BCR: variants seen among roughly 807,000 people sequenced by gnomAD.
The protein encoded by BCR is breakpoint cluster region protein.
In BCR, 58 loss-of-function variants were observed where a neutral mutation model predicts 138.6. The observed-to-expected ratio is 0.42, with a 90% CI of 0.34 to 0.52. The LOEUF (loss-of-function observed/expected upper bound fraction) is 0.52. Among genes scored for constraint, BCR ranks in the 20% least tolerant of loss-of-function variants. The probability of loss-of-function intolerance (pLI) is 0.06; values close to 1 mark genes in which losing one functional copy is unlikely to be tolerated. For missense variants in BCR, 1,599 were observed against 1,727.2 expected (o/e 0.93, Z 1.32); for synonymous variants, 786 against 730.1 (o/e 1.08, Z -1.23).
At position 23,215,210 on chromosome 22, in the gene BCR, C is replaced by T. The variant is rs534057506; in HGVS notation, c.1279+32971C>T. Among the ~76,000 whole-genome samples the T allele has an allele frequency of 7.9e-5, 12 of 152,278 alleles. No individual in the cohort carries two copies. The East Asian group carries it at 1.5e-3, about 20-fold the overall frequency. ...ATAATATTCCATTATATGTCTGCACCGCATTTTGCTTATGCATCCATTGGT... is the reference window on the plus strand; with the variant it reads ...ATAATATTCCATTATATGTCTGCACTGCATTTTGCTTATGCATCCATTGGT... On this transcript the variant is annotated intron_variant, in intron 1 of 22. Transcript: ENST00000305877.
chr22:23,232,061 T>C (rs1266478326), intron 1 of BCR, among the ~76,000 whole-genome samples: 1 of 152,210 alleles, frequency 6.6e-6, no homozygotes, highest in Non-Finnish European at 1.5e-5. Context: ...AACTAATACC[T>C]TAGTGTGATC....
intron 1 of BCR, among the ~76,000 whole-genome samples, chr22:23,187,681 A>C (rs1167065437): frequency 6.6e-6 from 1 of 151,996 alleles, no homozygotes; most frequent in East Asian, 1.9e-4. Context: ...AATTGTACCT[A>C]TTTAGAGGGT....
intron 1 of BCR, among the ~76,000 whole-genome samples, chr22:23,241,301 C>T (rs2073088507): frequency 6.6e-6 from 1 of 152,214 alleles, no homozygotes; most frequent in South Asian, 2.1e-4. Flanking sequence ...GTGGTGACCG[C>T]CAGCAGGGGG....
intron 20 of BCR, among the ~76,000 whole-genome samples, chr22:23,313,710 G>A (rs994893678): frequency 1.3e-5 from 2 of 152,182 alleles, no homozygotes; most frequent in Non-Finnish European, 2.9e-5. Context: ...CCCATGAGCA[G>A]CTGCTCTAGC....
At chr22:23,263,079 A>C in intron 4 of BCR, 2 of 697,268 alleles carry the variant, frequency 2.9e-6, no homozygotes, top group East Asian at 2.9e-5. Flanking sequence ...CAGGCCGGGA[A>C]GAGTACAAGG....
chr22:23,191,236 T>C (rs1486280127), intron 1 of BCR, among the ~76,000 whole-genome samples: 1 of 152,252 alleles, frequency 6.6e-6, no homozygotes, highest in African/African-American at 2.4e-5. Flanking sequence ...GCACACAGCC[T>C]GAATGTATTA....
At chr22:23,244,859 G>A (rs1258080314) in intron 1 of BCR, among the ~76,000 whole-genome samples, 7 of 152,168 alleles carry the variant, frequency 4.6e-5, no homozygotes, top group Admixed American at 4.6e-4. Context: ...CCCTGCCCCC[G>A]CACCAGCCGG....
chr22:23,215,651 CT>C (rs1346960365), intron 1 of BCR, among the ~76,000 whole-genome samples: 1 of 152,152 alleles, frequency 6.6e-6, no homozygotes, highest in African/African-American at 2.4e-5. Flanking sequence ...AACCTGGTGG[CT>C]TGTTGTCCTT....
intron 1 of BCR, among the ~76,000 whole-genome samples, chr22:23,249,431 C>CAAAAAAAA (rs535635463): frequency 1.5e-5 from 1 of 66,204 alleles, no homozygotes. Flanking sequence ...GACTCTGTCT[C>CAAAAAAAA]AAAAAAAAAA....
intron 1 of BCR, among the ~76,000 whole-genome samples, chr22:23,225,401 G>C (rs1051014221): frequency 6.6e-6 from 1 of 152,148 alleles, no homozygotes; most frequent in Non-Finnish European, 1.5e-5. Flanking sequence ...GGCCAGCCCA[G>C]GTGGAGGGCA....
chr22:23,290,499 A>G, intron 14 of BCR, 86 bp downstream of exon 14: 7 of 1,392,712 alleles, frequency 5.0e-6, no homozygotes, highest in African/African-American at 1.4e-5. Context: ...GTGTGGGGAA[A>G]CAGGGAGGTT....
rs1555877159 is a variant in BCR at position 23,231,506 on chromosome 22, C to CTAAAATAAAATAAAATAAA, written c.1280-22293_1280-22292insTAAAATAAAATAAAATAAA. ...TAGCCAACAGAGCAAGACCCCGTCT[C>CTAAAATAAAATAAAATAAA]ATAAAATAAAATAAAATAAAATAAA... On this transcript the variant is annotated intron_variant, in intron 1 of 22. Transcript: ENST00000305877. Among the ~76,000 whole-genome samples the CTAAAATAAAATAAAATAAA allele has an allele frequency of 4.7e-5, 6 of 128,798 alleles. No homozygotes were observed. The East Asian group carries it at 1.4e-3, about 30-fold the overall frequency. The allele number at this position is 128,798 out of a possible 152,430, so 84.5% of individuals were successfully genotyped here.
chr22:23,233,515 T>C (rs771631619), intron 1 of BCR, among the ~76,000 whole-genome samples: 4 of 152,106 alleles, frequency 2.6e-5, no homozygotes, highest in South Asian at 2.1e-4. Context: ...AGGCCAGGCA[T>C]GGAGGCTCGT....
chr22:23,214,747 A>C, intron 1 of BCR, among the ~76,000 whole-genome samples: 1 of 152,258 alleles, frequency 6.6e-6, no homozygotes, highest in East Asian at 1.9e-4. Flanking sequence ...TGCATTGTCC[A>C]AACCTGCATT....
intron 19 of BCR, 63 bp from the exon 20 acceptor site, chr22:23,312,824 G>A: frequency 6.3e-7 from 1 of 1,589,944 alleles, no homozygotes; most frequent in Non-Finnish European, 8.5e-7. Flanking sequence ...AGCCAAGGCA[G>A]GGATGGTGGG....
chr22:23,288,092 C>T lies in BCR; in HGVS notation c.2527-5C>T. 1 of 1,613,852 alleles carries T rather than the reference C, an allele frequency of 6.2e-7. No homozygotes were observed. Among genetic ancestry groups the T allele is most frequent in the East Asian group, 2.2e-5 (1 of 44,866 alleles). ...AACTGGGTGTGTTCTTCTTGCCCAC[C>T]CTAGAGTTACACGTTCCTGATCTCC... On this transcript the variant is annotated splice_region_variant and splice_polypyrimidine_tract_variant and intron_variant, in intron 11 of 22. Transcript: ENST00000305877.
At position 23,182,045 on chromosome 22, in the gene BCR, T is replaced by C. The variant is rs1569234250; in HGVS notation, c.1085T>C (p.Met362Thr). The C allele has an allele frequency of 1.2e-6, 2 of 1,613,686 alleles. No individual in the cohort carries two copies. The highest frequency in any genetic ancestry group is 2.2e-5 in the East Asian group (1 of 44,882). Reference protein sequence around the residue: ...RVSPSPTTYRMFRDKSRSPSQ... With the variant: ...RVSPSPTTYRTFRDKSRSPSQ... ...TCCCCAAGCCCCACCACCTACCGCA[T>C]GTTCCGGGACAAAAGCCGCTCTCCC... Residue 362 changes from methionine (M) to threonine (T), a missense_variant, in exon 1 of 23, where the codon ATG becomes ACG. Met to Thr is a moderately conservative substitution (Grantham distance 81). This residue lies in a region of BCR where 806 missense variants were observed against 635.0 expected (regional missense o/e 1.27). Transcript: ENST00000305877.
chr22:23,287,152 C>A lies in BCR; in HGVS notation c.2407-7C>A, dbSNP rs1195003496. ...TGGGAAGGTGAGGCTGTGGCATCTC[C>A]CCACAGAGGGCGAACAAGGGCAGCA... On this transcript the variant is annotated splice_region_variant and splice_polypyrimidine_tract_variant and intron_variant, in intron 10 of 22. Transcript: ENST00000305877. The A allele has an allele frequency of 4.4e-6, 7 of 1,576,512 alleles. No homozygotes were observed. The highest frequency in any genetic ancestry group is 6.0e-6 in the Non-Finnish European group (7 of 1,160,412).
In BCR at chr22:23,273,455, C is replaced by G. The variant is rs545526258; in HGVS notation, c.1975-179C>G. Among the ~76,000 whole-genome samples, 6 of 152,316 alleles carry G rather than the reference C, an allele frequency of 3.9e-5. No individual in the cohort carries two copies. The South Asian group carries it at 1.2e-3, about 32-fold the overall frequency. Reference sequence around the variant, plus strand: ...GCTGGAACACATGTAGGACCTGCTTCCAGGATGGTGCTCACACAAGCTCTG... The same window carrying G: ...GCTGGAACACATGTAGGACCTGCTTGCAGGATGGTGCTCACACAAGCTCTG... On this transcript the variant is annotated intron_variant, in intron 7 of 22. Transcript: ENST00000305877.
Sources: gnomAD v4.1 joint callset for allele counts (sites outside exome capture counted in the v4.1 genomes callset) on GRCh38, gnomAD v4.1.1 for gene constraint, gnomAD v4.1.1 regional missense constraint, MANE v1.5 for transcripts, NCBI Gene and HGNC (gene_info 2026-07-23, HGNC 2026-07-21) for gene names.